Variants in INPP5A observed in about 807,000 individuals in gnomAD.
INPP5A encodes the protein inositol polyphosphate-5-phosphatase A, also known as 43 kDa inositol polyphosphate 5-phophatase.
INPP5A carries 14 observed loss-of-function variants against 65.2 expected under a neutral mutation model. That is an observed-to-expected ratio of 0.21 (90% CI 0.14 to 0.34). The LOEUF (loss-of-function observed/expected upper bound fraction) is 0.34, where lower values mean the gene tolerates loss of function less well. INPP5A is among the 10% of genes least tolerant of loss of function. The pLI, the probability that INPP5A is intolerant of heterozygous loss-of-function variation, is 1.00. For missense variants in INPP5A, 431 were observed against 545.6 expected (o/e 0.79, Z 2.09); for synonymous variants, 207 against 208.3 (o/e 0.99, Z 0.05).
intron 1 of INPP5A, among the ~76,000 whole-genome samples, chr10:132,590,501 A>C (rs531576876): frequency 1.3e-5 from 2 of 152,260 alleles, no homozygotes; most frequent in East Asian, 3.9e-4. Context: ...GTTGGAACAC[A>C]GGTGTGGACA....
At chr10:132,560,662 C>T (rs4431949) in intron 1 of INPP5A, among the ~76,000 whole-genome samples, 2,734 of 152,174 alleles carry the variant, frequency 0.018, 36 homozygotes, top group South Asian at 0.039. Context: ...GGCAGTGGTG[C>T]GATGATAGCT....
At chr10:132,728,472 G>A (rs991566410) in intron 9 of INPP5A, among the ~76,000 whole-genome samples, 1 of 152,224 alleles carries the variant, frequency 6.6e-6, no homozygotes, top group Non-Finnish European at 1.5e-5. Flanking sequence ...CCACAGAGGC[G>A]GGGCCCTGTC....
chr10:132,660,789 G>A (rs1157206512), intron 4 of INPP5A, among the ~76,000 whole-genome samples: 1 of 152,232 alleles, frequency 6.6e-6, no homozygotes, highest in Non-Finnish European at 1.5e-5. Context: ...GGGGAAGATG[G>A]AGAAGGGACA....
chr10:132,759,742 C>G (rs897041142), intron 11 of INPP5A, among the ~76,000 whole-genome samples: 18 of 152,064 alleles, frequency 1.2e-4, no homozygotes, highest in African/African-American at 4.3e-4. Context: ...CCGTAAGCAT[C>G]AGTGACCCCC....
chr10:132,708,869 CAG>C (rs1361974034), intron 7 of INPP5A, among the ~76,000 whole-genome samples: 2 of 152,232 alleles, frequency 1.3e-5, no homozygotes, highest in Non-Finnish European at 2.9e-5. Flanking sequence ...TCATAAGAAA[CAG>C]AAACCTGTTA....
At chr10:132,731,269 C>G (rs1191884556) in intron 9 of INPP5A, among the ~76,000 whole-genome samples, 2 of 151,884 alleles carry the variant, frequency 1.3e-5, no homozygotes, top group African/African-American at 4.8e-5. Flanking sequence ...TCCTGCGTAT[C>G]AGGTGTCCCT....
At chr10:132,596,958 T>C (rs1440892060) in intron 1 of INPP5A, among the ~76,000 whole-genome samples, 1 of 147,838 alleles carries the variant, frequency 6.8e-6, no homozygotes, top group African/African-American at 2.5e-5. Context: ...TGTGCACACA[T>C]GTGTGCGTGT....
intron 4 of INPP5A, among the ~76,000 whole-genome samples, chr10:132,685,582 G>A (rs759366968): frequency 1.5e-4 from 23 of 152,224 alleles, no homozygotes; most frequent in Non-Finnish European, 2.8e-4. Context: ...ATAAATTACC[G>A]GCCATCTGAC....
Position 132,704,493 on chromosome 10 carries a change from C to T in INPP5A, c.475-3820C>T, listed in dbSNP as rs1845500598. Among the ~76,000 whole-genome samples, 1 of 152,254 alleles carries T rather than the reference C, an allele frequency of 6.6e-6. No individual in the cohort carries two copies. The highest frequency in any genetic ancestry group is 2.4e-5 in the African/African-American group (1 of 41,464). ...GTTGGACGCCAGCCCGCGGCGGCTG[C>T]TGGTGCGCAGAGCCACCCCTCGCAG... is the stretch of plus-strand genomic sequence containing the variant. On this transcript the variant is annotated intron_variant, in intron 6 of 15. Transcript: ENST00000368594. The surrounding 1 kb of genome is among the most constrained non-coding windows in gnomAD (Gnocchi z 4.5).
intron 8 of INPP5A, among the ~76,000 whole-genome samples, chr10:132,724,190 G>T (rs1845944229): frequency 6.6e-6 from 1 of 152,152 alleles, no homozygotes; most frequent in African/African-American, 2.4e-5. Context: ...CTGCAGAAAA[G>T]AATAGATTGT....
intron 1 of INPP5A, among the ~76,000 whole-genome samples, chr10:132,568,686 G>T (rs1199390144): frequency 1.3e-5 from 2 of 152,170 alleles, no homozygotes; most frequent in Non-Finnish European, 2.9e-5. Context: ...GAACCCAGGA[G>T]GTGGAGGTTC....
rs1198431422 is a variant in INPP5A, at chr10:132,674,870, C to A, written c.307-15522C>A. ...ACCTGCAGAAGATGGCAGGGCCTCA[C>A]TCCAAAATCCTAGAGGCCTCCGCTG... is the stretch of plus-strand genomic sequence containing the variant. On this transcript the variant is annotated intron_variant, in intron 4 of 15. Transcript: ENST00000368594. The surrounding 1 kb of genome is among the most constrained non-coding windows in gnomAD (Gnocchi z 4.4). Among the ~76,000 whole-genome samples the A allele has an allele frequency of 6.6e-6, 1 of 152,210 alleles. No homozygotes were observed. The highest frequency in any genetic ancestry group is 1.5e-5 in the Non-Finnish European group (1 of 68,034).
rs1444297592 is a variant in INPP5A at position 132,698,516 on chromosome 10, G to A, written c.474+597G>A. Reference sequence around the variant, plus strand: ...TTCTGGCGGCCATGCACTTTGCTGAGCTGTGTGCGCGGCTGTTGCTCTGTG... The same window carrying A: ...TTCTGGCGGCCATGCACTTTGCTGAACTGTGTGCGCGGCTGTTGCTCTGTG... On this transcript the variant is annotated intron_variant, in intron 6 of 15. Transcript: ENST00000368594. The surrounding 1 kb of genome is among the most constrained non-coding windows in gnomAD (Gnocchi z 5.5). 6.6e-6 allele frequency among the ~76,000 whole-genome samples: 1 copy of A among 152,268 alleles called. No individual in the cohort carries two copies. Among genetic ancestry groups the A allele is most frequent in the Non-Finnish European group, 1.5e-5 (1 of 68,050 alleles).
rs183882057 is a variant in INPP5A at position 132,777,521 on chromosome 10, T to A, written c.978-150T>A. The stretch of plus-strand genomic sequence containing the variant: ...AGAACTTAAATTGTGAATTTGGTTT[T>A]ATATTCTAGAAACTTCCATGTGTGT... On this transcript the variant is annotated intron_variant, in intron 12 of 15. Transcript: ENST00000368594. 1.0e-5 allele frequency: 7 copies of A among 667,120 alleles called. No homozygotes were observed. The African/African-American group carries it at 1.3e-4, about 12-fold the overall frequency. 41.3% of individuals were successfully genotyped at this position (667,120 alleles called of 1,614,324 possible).
In INPP5A at chr10:132,630,606, GGGGAAGACA is replaced by G. The variant is rs1564941142; in HGVS notation, c.118-15261_118-15253del. 8.9e-4 allele frequency among the ~76,000 whole-genome samples: 131 copies of G among 146,442 alleles called. 1 individual carries two copies. Among genetic ancestry groups the G allele is most frequent in the African/African-American group, 3.2e-3 (124 of 38,388 alleles). ...GTCCATGAGGGGAAGACGTCCATGA[GGGGAAGACA>G]TCCATGAGGGGAAGACATCCATGAG... On this transcript the variant is annotated intron_variant, in intron 2 of 15. Coordinates refer to ENST00000368594, the MANE Select transcript of INPP5A (RefSeq NM_005539.5).
At chr10:132,620,490 C>T (rs1273996346) in intron 2 of INPP5A, among the ~76,000 whole-genome samples, 1 of 152,194 alleles carries the variant, frequency 6.6e-6, no homozygotes, top group African/African-American at 2.4e-5. Context: ...GAAATTTCTT[C>T]CATCAGATAC....
At chr10:132,712,663 T>A (rs112478713) in intron 8 of INPP5A, among the ~76,000 whole-genome samples, 4,893 of 149,292 alleles carry the variant, frequency 0.033, 265 homozygotes, top group African/African-American at 0.11. Context: ...AGTGGGTATA[T>A]GCATGTGTGG....
intron 2 of INPP5A, among the ~76,000 whole-genome samples, chr10:132,613,119 CT>C (rs1264359979): frequency 1.3e-5 from 2 of 152,312 alleles, no homozygotes; most frequent in African/African-American, 4.8e-5. Flanking sequence ...TCCCTTTTAC[CT>C]TTTTTTCTTT....
In INPP5A at chr10:132,546,778, G is replaced by A. The variant is rs1049966034; in HGVS notation, c.75+8607G>A. Among the ~76,000 whole-genome samples the A allele has an allele frequency of 4.6e-5, 7 of 152,092 alleles. No individual in the cohort carries two copies. Among genetic ancestry groups the A allele is most frequent in the South Asian group, 2.1e-4 (1 of 4,818 alleles). On this transcript the variant is annotated intron_variant, in intron 1 of 15. Coordinates refer to ENST00000368594, the MANE Select transcript of INPP5A (RefSeq NM_005539.5). The surrounding 1 kb of genome is among the most constrained non-coding windows in gnomAD (Gnocchi z 5.7). ...CCTGTCCCCTTGTCCCCACCTGACC[G>A]CCCAGCCACTGTTCTCCCTGGCCCT... is the stretch of plus-strand genomic sequence containing the variant.
Sources: gnomAD v4.1 joint callset for allele counts (sites outside exome capture counted in the v4.1 genomes callset) on GRCh38, gnomAD v4.1.1 for gene constraint, Gnocchi (gnomAD v3.1) non-coding constraint, MANE v1.5 for transcripts, NCBI Gene and HGNC (gene_info 2026-07-23, HGNC 2026-07-21) for gene names.